FBLN2: variants seen among roughly 807,000 people sequenced by gnomAD.
FBLN2 encodes the protein fibulin-2.
A neutral mutation model predicts 123.7 loss-of-function variants in FBLN2; 81 were observed. That is an observed-to-expected ratio of 0.65 (90% CI 0.55 to 0.79). The LOEUF (loss-of-function observed/expected upper bound fraction) is 0.79. Ranked by LOEUF, FBLN2 falls within the 30% of genes least tolerant of loss-of-function variation. The pLI is 0.00. For synonymous variants in FBLN2, 699 were observed against 701.4 expected, an observed-to-expected ratio of 1.00 and a Z score of 0.05; for missense variants, 1,603 against 1,681.3, an observed-to-expected ratio of 0.95 and a Z score of 0.81.
At chr3:13,607,920 T>G in intron 2 of FBLN2, 142 bp from the exon 3 acceptor site, 1 of 640,142 alleles carries the variant, frequency 1.6e-6, no homozygotes, top group South Asian at 1.9e-5. Flanking sequence ...AGTTGTGTTG[T>G]GAGCTGTTAG....
intron 4 of FBLN2, among the ~76,000 whole-genome samples, chr3:13,611,874 G>A (rs1705402567): frequency 6.6e-6 from 1 of 152,176 alleles, no homozygotes; most frequent in Non-Finnish European, 1.5e-5. Context: ...TATTCTGGGA[G>A]GTCAGGTGCC....
At chr3:13,603,123 G>A (rs2124872900) in intron 2 of FBLN2, among the ~76,000 whole-genome samples, 1 of 151,940 alleles carries the variant, frequency 6.6e-6, no homozygotes, top group South Asian at 2.1e-4. Flanking sequence ...ATGTTGGCTA[G>A]GCTGGTCTTG....
intron 9 of FBLN2, among the ~76,000 whole-genome samples, chr3:13,623,294 C>T (rs976975259): frequency 2.6e-5 from 4 of 152,214 alleles, no homozygotes; most frequent in African/African-American, 4.8e-5. Context: ...TCTCGCGGTG[C>T]CTGAGTACGC....
rs371515141 is a variant in FBLN2 at position 13,607,924 on chromosome 3, C to G, written c.1307-138C>G. ...TCACCAAAGACAGTTGTGTTGTGAG[C>G]TGTTAGCGACCAGCATGCACAGCAG... On this transcript the variant is annotated intron_variant, in intron 2 of 17. Transcript: ENST00000404922. 2.3e-5 allele frequency: 15 copies of G among 645,362 alleles called. No individual in the cohort carries two copies. In the South Asian group the frequency reaches 2.8e-4, roughly 12 times the overall value. 40.0% of individuals were successfully genotyped at this position (645,362 alleles called of 1,614,324 possible).
At chr3:13,617,445 T>C (rs553600346) in intron 5 of FBLN2, among the ~76,000 whole-genome samples, 32 of 150,780 alleles carry the variant, frequency 2.1e-4, no homozygotes, top group Middle Eastern at 3.4e-3. Context: ...CATCTATCCA[T>C]CCACCCACCC....
chr3:13,561,841 A>G (rs773084333), intron 1 of FBLN2, among the ~76,000 whole-genome samples: 1 of 152,184 alleles, frequency 6.6e-6, no homozygotes, highest in Non-Finnish European at 1.5e-5. Context: ...CTCTAGCTCA[A>G]CTTTCTCGGC....
At chr3:13,552,416 G>T (rs908356076) in intron 1 of FBLN2, among the ~76,000 whole-genome samples, 1 of 152,096 alleles carries the variant, frequency 6.6e-6, no homozygotes, top group African/African-American at 2.4e-5. Context: ...GGTGGTGGAC[G>T]TAAACACCAT....
intron 1 of FBLN2, among the ~76,000 whole-genome samples, chr3:13,550,007 A>C (rs777116253): frequency 2.0e-4 from 31 of 152,292 alleles, no homozygotes; most frequent in South Asian, 1.2e-3. Flanking sequence ...TATCACATGC[A>C]TATCTCCATC....
At chr3:13,609,463 T>C (rs1230386345) in intron 3 of FBLN2, 50 bp from the exon 4 acceptor site, 1 of 1,508,512 alleles carries the variant, frequency 6.6e-7, no homozygotes. Context: ...CTTTCCACTC[T>C]GGGAGGATGA....
intron 2 of FBLN2, among the ~76,000 whole-genome samples, chr3:13,585,248 G>T (rs1239407868): frequency 6.6e-6 from 1 of 152,192 alleles, no homozygotes; most frequent in African/African-American, 2.4e-5. Flanking sequence ...CCTGCTTGGC[G>T]TGAGGCTGGT....
intron 2 of FBLN2, among the ~76,000 whole-genome samples, chr3:13,602,392 T>C (rs1005757059): frequency 2.0e-4 from 31 of 152,352 alleles, no homozygotes; most frequent in African/African-American, 7.0e-4. Flanking sequence ...TTTTCAGAAA[T>C]GTTCTCGGGT....
chr3:13,597,976 A>G (rs1704901809), intron 2 of FBLN2, among the ~76,000 whole-genome samples: 1 of 152,346 alleles, frequency 6.6e-6, no homozygotes, highest in East Asian at 1.9e-4. Context: ...CTCTTTCCAC[A>G]GTGCTGCTGA....
intron 5 of FBLN2, 103 bp from the exon 6 acceptor site, chr3:13,617,973 C>A: frequency 1.0e-6 from 1 of 987,060 alleles, no homozygotes; most frequent in Non-Finnish European, 1.6e-6. Context: ...GCTGGGCACA[C>A]AGAGGTCTTG....
chr3:13,592,817 T>C (rs187537431), intron 2 of FBLN2, among the ~76,000 whole-genome samples: 15 of 152,326 alleles, frequency 9.8e-5, no homozygotes, highest in Admixed American at 8.5e-4. Flanking sequence ...TTGGCAACAG[T>C]TTATTTAGCT....
chr3:13,636,373 A>C, intron 16 of FBLN2, 72 bp from the exon 17 acceptor site: 1 of 1,576,320 alleles, frequency 6.3e-7, no homozygotes, highest in Non-Finnish European at 8.6e-7. Flanking sequence ...CAGGCCTTTC[A>C]TGCAGGCTGG....
chr3:13,617,143 A>ATCC (rs1553621511), intron 5 of FBLN2, among the ~76,000 whole-genome samples: 1,455 of 134,628 alleles, frequency 0.011, 32 homozygotes, highest in African/African-American at 0.046. Flanking sequence ...TCCATTCATC[A>ATCC]ATCCATCCAT....
intron 1 of FBLN2, among the ~76,000 whole-genome samples, chr3:13,558,275 A>G (rs532407098): frequency 6.6e-6 from 1 of 150,952 alleles, no homozygotes; most frequent in East Asian, 2.0e-4. Flanking sequence ...GCTTCTCTCC[A>G]TCTCTGTCTT....
chr3:13,552,935 T>C (rs954610191), intron 1 of FBLN2, among the ~76,000 whole-genome samples: 11 of 151,728 alleles, frequency 7.2e-5, no homozygotes, highest in Non-Finnish European at 1.2e-4. Flanking sequence ...TCCCCAGGGG[T>C]GCCTGCATGG....
At chr3:13,590,412 G>A (rs1024055399) in intron 2 of FBLN2, among the ~76,000 whole-genome samples, 1 of 152,116 alleles carries the variant, frequency 6.6e-6, no homozygotes, top group Admixed American at 6.5e-5. Context: ...TGCAACCTCC[G>A]CTTCCCAGGT....
Sources: gnomAD v4.1 joint callset for allele counts (sites outside exome capture counted in the v4.1 genomes callset) on GRCh38, gnomAD v4.1.1 for gene constraint, MANE v1.5 for transcripts, NCBI Gene and HGNC (gene_info 2026-07-23, HGNC 2026-07-21) for gene names.